TRABD2B: variants seen among roughly 807,000 people sequenced by gnomAD.
TRABD2B encodes the protein TraB domain containing 2B, also known as metalloprotease TIKI2.
Under a neutral mutation model 40.1 loss-of-function variants are expected in TRABD2B, and 14 were observed. The observed-to-expected ratio is 0.35, with a 90% CI of 0.23 to 0.55. TRABD2B has a LOEUF of 0.55. Ranked by LOEUF, TRABD2B falls within the 20% of genes least tolerant of loss-of-function variation. The pLI, the probability that TRABD2B is intolerant of heterozygous loss-of-function variation, is 0.90. For synonymous variants in TRABD2B, 263 were observed against 277.0 expected (o/e 0.95, Z 0.50); for missense variants, 541 against 648.6 (o/e 0.83, Z 1.80).
intron 2 of TRABD2B, among the ~76,000 whole-genome samples, chr1:47,910,986 C>CAG (rs1557652429): frequency 1.3e-5 from 2 of 152,148 alleles, no homozygotes; most frequent in African/African-American, 4.8e-5. Flanking sequence ...AATGGCCAGG[C>CAG]AGAGGATGGA....
At chr1:47,816,055 G>T (rs115076116) in intron 2 of TRABD2B, among the ~76,000 whole-genome samples, 3 of 152,232 alleles carry the variant, frequency 2.0e-5, no homozygotes, top group Middle Eastern at 3.4e-3. Flanking sequence ...ATTCTCCATG[G>T]TCTGGTCTTA....
At chr1:47,964,141 T>G (rs375259501) in intron 2 of TRABD2B, among the ~76,000 whole-genome samples, 2 of 152,218 alleles carry the variant, frequency 1.3e-5, no homozygotes, top group East Asian at 3.8e-4. Context: ...TTCCCTGGAA[T>G]GTTGGACCGA....
intron 2 of TRABD2B, among the ~76,000 whole-genome samples, chr1:47,857,746 C>G (rs1643909040): frequency 6.6e-6 from 1 of 152,102 alleles, no homozygotes; most frequent in East Asian, 1.9e-4. Flanking sequence ...TCTAGGTGGT[C>G]TACTCCCTGG....
Position 47,908,744 on chromosome 1 carries a change from C to A in TRABD2B, c.666+85290G>T, listed in dbSNP as rs145355434. On this transcript the variant is annotated intron_variant, in intron 2 of 6. Coordinates refer to ENST00000606738, the MANE Select transcript of TRABD2B (RefSeq NM_001194986.2). Reference sequence around the variant, plus strand: ...CACACAAGTCCCACCAGTGTCCCATCTGGGAGGCAGCAGGCCATGGAGGGC... The same window carrying A: ...CACACAAGTCCCACCAGTGTCCCATATGGGAGGCAGCAGGCCATGGAGGGC... 2.6e-4 allele frequency among the ~76,000 whole-genome samples: 40 copies of A among 152,380 alleles called. No individual in the cohort carries two copies. In the Middle Eastern group the frequency reaches 0.01, roughly 39 times the overall value.
intron 2 of TRABD2B, among the ~76,000 whole-genome samples, chr1:47,843,916 G>A (rs1292038608): frequency 2.6e-5 from 4 of 152,142 alleles, no homozygotes; most frequent in African/African-American, 4.8e-5. Context: ...TTTTGGAAAT[G>A]GAATGGCCAG....
intron 2 of TRABD2B, among the ~76,000 whole-genome samples, chr1:47,850,485 A>G (rs1645533052): frequency 6.6e-6 from 1 of 152,232 alleles, no homozygotes; most frequent in Non-Finnish European, 1.5e-5. Context: ...CATGCATTCA[A>G]TGAACATTCA....
rs1643945277 is a variant in TRABD2B at position 47,860,087 on chromosome 1, G to A, written c.667-58468C>T. On this transcript the variant is annotated intron_variant, in intron 2 of 6. Transcript: ENST00000606738. ...CAGTGCAGGTACCAGGGCTGTGATG[G>A]CGGACAGGGCAGTCACTGGCCCTTG... Among the ~76,000 whole-genome samples the A allele has an allele frequency of 6.6e-5, 10 of 152,262 alleles. No individual in the cohort carries two copies. The South Asian group carries it at 2.1e-3, about 32-fold the overall frequency.
intron 2 of TRABD2B, among the ~76,000 whole-genome samples, chr1:47,902,340 T>C (rs1248295498): frequency 2.0e-5 from 3 of 152,114 alleles, no homozygotes; most frequent in Non-Finnish European, 4.4e-5. Flanking sequence ...AAGAGAAGCC[T>C]CTGAGTTCCC....
chr1:47,935,852 C>T (rs995465240), intron 2 of TRABD2B, among the ~76,000 whole-genome samples: 1 of 152,194 alleles, frequency 6.6e-6, no homozygotes, highest in African/African-American at 2.4e-5. Flanking sequence ...ATTTAGGATG[C>T]AGGAAATAAA....
Position 47,794,534 on chromosome 1 carries a change from A to G in TRABD2B, c.988+52T>C. 3.4e-6 allele frequency: 5 copies of G among 1,468,944 alleles called. No individual in the cohort carries two copies. The South Asian group carries it at 4.1e-5, about 12-fold the overall frequency. 91.0% of individuals were successfully genotyped at this position (1,468,944 alleles called of 1,614,324 possible). A position where few individuals can be genotyped will look rare whatever the true frequency, so the allele number is the denominator to read the frequency against. On this transcript the variant is annotated intron_variant, in intron 4 of 6. Transcript: ENST00000606738. ...TGAAGTAGAGGTTAGGGGAGAGCCA[A>G]GCAAATCTCCCAGGATTCTGCAAAC... is the stretch of plus-strand genomic sequence containing the variant.
At position 47,794,111 on chromosome 1, in the gene TRABD2B, T is replaced by C. The variant is rs1291972911; in HGVS notation, c.988+475A>G. 2.0e-5 allele frequency among the ~76,000 whole-genome samples: 3 copies of C among 152,232 alleles called. No homozygotes were observed. In the East Asian group the frequency reaches 5.8e-4, roughly 29 times the overall value. ...AAATAGTTATTGCTATCACTGCCCATTTATATAAGAAAGAATTGAGTCTTT... is the reference window on the plus strand; with the variant it reads ...AAATAGTTATTGCTATCACTGCCCACTTATATAAGAAAGAATTGAGTCTTT... On this transcript the variant is annotated intron_variant, in intron 4 of 6. Coordinates refer to ENST00000606738, the MANE Select transcript of TRABD2B (RefSeq NM_001194986.2).
In TRABD2B at chr1:47,763,472, C is replaced by T. The variant is rs984353036; in HGVS notation, c.*2430G>A. On this transcript the variant is annotated 3_prime_UTR_variant, in exon 7 of 7. Coordinates refer to ENST00000606738, the MANE Select transcript of TRABD2B (RefSeq NM_001194986.2). Reference sequence around the variant, plus strand: ...GCTGAATCTTCCTGAAGTTAGGGGCCAGGACGACGTAATCTAGCATTGCAC... The same window carrying T: ...GCTGAATCTTCCTGAAGTTAGGGGCTAGGACGACGTAATCTAGCATTGCAC... 1 of 152,180 alleles carries T rather than the reference C, an allele frequency of 6.6e-6. No homozygotes were observed. The highest frequency in any genetic ancestry group is 2.4e-5 in the African/African-American group (1 of 41,436). 9.4% of individuals were successfully genotyped at this position (152,180 alleles called of 1,614,324 possible).
At chr1:47,948,559 T>C (rs775134248) in intron 2 of TRABD2B, among the ~76,000 whole-genome samples, 1 of 152,118 alleles carries the variant, frequency 6.6e-6, no homozygotes, top group Non-Finnish European at 1.5e-5. Context: ...TCCAACCCTT[T>C]AGGTTTAAAA....
chr1:47,873,965 T>C (rs1425925494), intron 2 of TRABD2B, among the ~76,000 whole-genome samples: 1 of 152,210 alleles, frequency 6.6e-6, no homozygotes, highest in African/African-American at 2.4e-5. Context: ...GAGAAAAATG[T>C]GTGACTGGAG....
chr1:47,807,786 T>C (rs549691817), intron 2 of TRABD2B, among the ~76,000 whole-genome samples: 2 of 152,314 alleles, frequency 1.3e-5, no homozygotes, highest in Non-Finnish European at 2.9e-5. Flanking sequence ...GAAAAGTAAA[T>C]GTCACCCAAA....
chr1:47,970,571 C>T lies in TRABD2B; in HGVS notation c.666+23463G>A, dbSNP rs78630455. ...GCCTGAAATGCCCTTCTCATCTGTA[C>T]TGGTCAGCTATTGCTGTGTTACAAA... On this transcript the variant is annotated intron_variant, in intron 2 of 6. Coordinates refer to ENST00000606738, the MANE Select transcript of TRABD2B (RefSeq NM_001194986.2). Among the ~76,000 whole-genome samples, 246 of 152,332 alleles carry T rather than the reference C, an allele frequency of 1.6e-3. 1 individual carries two copies. The highest frequency in any genetic ancestry group is 5.4e-3 in the African/African-American group (224 of 41,570).
At chr1:47,861,403 T>C (rs1643968597) in intron 2 of TRABD2B, among the ~76,000 whole-genome samples, 1 of 152,048 alleles carries the variant, frequency 6.6e-6, no homozygotes, top group South Asian at 2.1e-4. Flanking sequence ...CTTCCTAAAA[T>C]GTCAATAATG....
At chr1:47,848,977 T>G (rs1645510326) in intron 2 of TRABD2B, among the ~76,000 whole-genome samples, 1 of 152,204 alleles carries the variant, frequency 6.6e-6, no homozygotes, top group Non-Finnish European at 1.5e-5. Flanking sequence ...CGGCAACCCT[T>G]CCTGTCTATA....
intron 2 of TRABD2B, among the ~76,000 whole-genome samples, chr1:47,927,742 T>C (rs1031588179): frequency 1.3e-5 from 2 of 152,246 alleles, no homozygotes; most frequent in Admixed American, 6.5e-5. Flanking sequence ...CTGCAAGCGC[T>C]GTTCCTCTCT....
Sources: allele counts gnomAD v4.1 joint callset (sites outside exome capture counted in the v4.1 genomes callset), GRCh38; gene constraint gnomAD v4.1.1; transcripts MANE v1.5; gene names NCBI Gene and HGNC (gene_info 2026-07-23, HGNC 2026-07-21).